Variants in RBM26 observed in about 807,000 individuals in gnomAD.
RBM26 encodes RNA-binding protein 26.
A neutral mutation model predicts 123.6 loss-of-function variants in RBM26; 30 were observed. The ratio of observed to expected loss-of-function variants is 0.24; its 90% confidence interval spans 0.18 to 0.33. The LOEUF (loss-of-function observed/expected upper bound fraction) is 0.33. Among genes scored for constraint, RBM26 ranks in the 10% least tolerant of loss-of-function variants. RBM26 has a pLI of 1.00. For missense variants in RBM26, 947 were observed against 1,203.6 expected (o/e 0.79, Z 3.15); for synonymous variants, 400 against 404.4 (o/e 0.99, Z 0.13).
At chr13:79,322,524 G>A in intron 20 of RBM26, 62 bp from the exon 21 acceptor site, 1 of 1,060,588 alleles carries the variant, frequency 9.4e-7, no homozygotes, top group Non-Finnish European at 1.4e-6. Context: ...AAAAATAAAT[G>A]TCATAGTGCC....
At chr13:79,360,490 A>AATATATATATATAT (rs141926769) in intron 9 of RBM26, among the ~76,000 whole-genome samples, 70 of 150,046 alleles carry the variant, frequency 4.7e-4, no homozygotes, top group African/African-American at 1.6e-3. Flanking sequence ...CCTCACCACA[A>AATATATATATATAT]ATATATATAT....
intron 20 of RBM26, 58 bp downstream of exon 20, chr13:79,334,286 A>G: frequency 1.0e-6 from 1 of 984,142 alleles, no homozygotes. Context: ...ATTAAAACTT[A>G]AAAGTAATAC....
Position 79,337,088 on chromosome 13 carries a change from C to T in RBM26, c.2733+14G>A. 1 of 1,608,324 alleles carries T rather than the reference C, an allele frequency of 6.2e-7. No homozygotes were observed. Among genetic ancestry groups the T allele is most frequent in the Non-Finnish European group, 8.5e-7 (1 of 1,175,418 alleles). Reference sequence around the variant, plus strand: ...GATTATCAGCATTTGTTTTGTTGAGCAGTAAGAAAGTACCGCAAAATGAGG... The same window carrying T: ...GATTATCAGCATTTGTTTTGTTGAGTAGTAAGAAAGTACCGCAAAATGAGG... On this transcript the variant is annotated intron_variant, in intron 19 of 21. Coordinates refer to ENST00000438737, the MANE Select transcript of RBM26 (RefSeq NM_001366735.2).
intron 1 of RBM26, among the ~76,000 whole-genome samples, chr13:79,401,138 A>G (rs950966025): frequency 6.6e-6 from 1 of 152,186 alleles, no homozygotes; most frequent in Non-Finnish European, 1.5e-5. Flanking sequence ...CATTTAGCCA[A>G]CCCAAAAGAA....
chr13:79,376,799 C>T (rs1201688916), intron 3 of RBM26: 2 of 152,252 alleles, frequency 1.3e-5, no homozygotes, highest in Non-Finnish European at 2.9e-5. Context: ...GCAGGCCTGA[C>T]AATACTAACC....
intron 1 of RBM26, among the ~76,000 whole-genome samples, chr13:79,386,096 T>TAA (rs11318596): frequency 2.7e-5 from 4 of 147,260 alleles, no homozygotes; most frequent in Admixed American, 6.8e-5. Context: ...TTTTTAAAAT[T>TAA]AAAAAAAAAA....
intron 16 of RBM26, among the ~76,000 whole-genome samples, chr13:79,343,614 C>T (rs2071795735): frequency 6.6e-6 from 1 of 151,676 alleles, no homozygotes; most frequent in Non-Finnish European, 1.5e-5. Context: ...GTAACTCAGT[C>T]CAAAAGAAAG....
intron 1 of RBM26, among the ~76,000 whole-genome samples, chr13:79,388,068 T>C (rs2077635884): frequency 6.6e-6 from 1 of 152,214 alleles, no homozygotes; most frequent in South Asian, 2.1e-4. Flanking sequence ...ACTCTTAAAC[T>C]AGACTAAGAA....
At chr13:79,333,795 C>T (rs1383527554) in intron 20 of RBM26, among the ~76,000 whole-genome samples, 2 of 152,100 alleles carry the variant, frequency 1.3e-5, no homozygotes, top group African/African-American at 2.4e-5. Context: ...TTTAAGGTAA[C>T]TTTACTAAGA....
At chr13:79,379,043 T>C (rs2076868313) in intron 1 of RBM26, 136 bp from the exon 2 acceptor site, 6 of 616,344 alleles carry the variant, frequency 9.7e-6, no homozygotes, top group Non-Finnish European at 1.5e-5. Context: ...CAGAGGACCT[T>C]GAAGAAATTT....
chr13:79,368,488 A>T (rs981203937), intron 6 of RBM26, among the ~76,000 whole-genome samples: 1 of 152,218 alleles, frequency 6.6e-6, no homozygotes, highest in African/African-American at 2.4e-5. Context: ...ATATTTACTC[A>T]TTTGGTAAAC....
chr13:79,391,981 A>G (rs1372835206), intron 1 of RBM26, among the ~76,000 whole-genome samples: 2 of 134,282 alleles, frequency 1.5e-5, no homozygotes, highest in Non-Finnish European at 3.0e-5. Flanking sequence ...ATAATTATAT[A>G]TTATGCAATA....
At chr13:79,318,621 G>A (rs1429505039), downstream of RBM26, among the ~76,000 whole-genome samples, 1 of 151,342 alleles carries the variant, frequency 6.6e-6, no homozygotes, top group Non-Finnish European at 1.5e-5. Flanking sequence ...AAGCAACATG[G>A]CTTAAAACAT....
intron 1 of RBM26, among the ~76,000 whole-genome samples, chr13:79,398,510 T>C (rs777178233): frequency 6.6e-6 from 1 of 152,142 alleles, no homozygotes; most frequent in Non-Finnish European, 1.5e-5. Flanking sequence ...GTTAAGGGGA[T>C]AAAGAAATAA....
At chr13:79,350,246 A>G (rs1260680371) in intron 14 of RBM26, among the ~76,000 whole-genome samples, 1 of 152,236 alleles carries the variant, frequency 6.6e-6, no homozygotes, top group African/African-American at 2.4e-5. Context: ...AAAAACCACA[A>G]GAACAATAAC....
chr13:79,336,428 A>G (rs965713533), intron 19 of RBM26, among the ~76,000 whole-genome samples: 1 of 152,188 alleles, frequency 6.6e-6, no homozygotes, highest in Non-Finnish European at 1.5e-5. Flanking sequence ...TATAATGCTG[A>G]GGGTAAAACT....
At chr13:79,399,030 A>G (rs1368486205) in intron 1 of RBM26, among the ~76,000 whole-genome samples, 15 of 152,230 alleles carry the variant, frequency 9.9e-5, no homozygotes, top group Admixed American at 9.8e-4. Context: ...GACTCTAATA[A>G]TAAAGCTAAA....
chr13:79,359,683 T>C lies in RBM26; in HGVS notation c.1421A>G (p.Lys474Arg). Reference sequence around the variant, plus strand: ...CCTCATACTGCTTTTATTGGGAGGCTTTTCTGTTTTAAAACAAAAGAAAAT... The same window carrying C: ...CCTCATACTGCTTTTATTGGGAGGCCTTTCTGTTTTAAAACAAAAGAAAAT... ...SGDMDLPPRE[K>R]PPNKSSMRIV... The change falls in exon 10 of 22, where the codon AAG (lysine) becomes AGG (arginine). Residue 474 changes from lysine to arginine, a missense_variant. Transcript: ENST00000438737. 1 of 1,519,664 alleles carries C rather than the reference T, an allele frequency of 6.6e-7. No individual in the cohort carries two copies. 94.1% of individuals were successfully genotyped at this position (1,519,664 alleles called of 1,614,324 possible). A position where few individuals can be genotyped will look rare whatever the true frequency, so the allele number is the denominator to read the frequency against.
chr13:79,380,692 T>C (rs2077007260), intron 1 of RBM26, among the ~76,000 whole-genome samples: 1 of 152,056 alleles, frequency 6.6e-6, no homozygotes, highest in Non-Finnish European at 1.5e-5. Flanking sequence ...TAACTGTAGT[T>C]ACCCTACAGT....
Sources: allele counts gnomAD v4.1 joint callset (sites outside exome capture counted in the v4.1 genomes callset), GRCh38; gene constraint gnomAD v4.1.1; transcripts MANE v1.5; gene names NCBI Gene and HGNC (gene_info 2026-07-23, HGNC 2026-07-21).